The following UBR4 variants were observed in gnomAD, a reference collection of about 807,000 sequenced individuals.
The protein encoded by UBR4 is E3 ubiquitin-protein ligase UBR4.
A neutral mutation model predicts 575.6 loss-of-function variants in UBR4; 124 were observed. The ratio of observed to expected loss-of-function variants is 0.22; its 90% CI spans 0.19 to 0.25. The LOEUF is 0.25. Ranked by LOEUF, UBR4 falls within the 10% of genes least tolerant of loss-of-function variation. The pLI, the probability that UBR4 is intolerant of heterozygous loss-of-function variation, is 1.00. For synonymous variants in UBR4, 2,455 were observed against 2,473.7 expected (o/e 0.99, Z 0.22); for missense variants, 4,818 against 6,478.8 (o/e 0.74, Z 8.80).
rs182360388 is a variant in UBR4, at chr1:19,123,131, C to A, written c.9589-71G>T. 597 of 1,514,228 alleles carry A rather than the reference C, an allele frequency of 3.9e-4. 4 individuals carry two copies. In the African/African-American group the frequency reaches 7.6e-3, roughly 19 times the overall value. 93.8% of individuals were successfully genotyped at this position (1,514,228 alleles called of 1,614,324 possible). ...ATCTATATCAACTGTGGCTCTCACA[C>A]CCTGGGTTTTAATAAACTGTTATTA... On this transcript the variant is annotated intron_variant, in intron 65 of 105. Transcript: ENST00000375254.
In UBR4 at chr1:19,077,737, AAAACCAAACC is replaced by A. The variant is rs553369721; in HGVS notation, c.15324+229_15324+238del. 4.5e-5 allele frequency: 65 copies of A among 1,436,316 alleles called. 1 individual carries two copies. The Middle Eastern group carries it at 1.3e-3, about 28-fold the overall frequency. The allele number at this position is 1,436,316 out of a possible 1,614,324, so 89.0% of individuals were successfully genotyped here. ...AACAAGAACAAAACTCCGTCTCAAA[AAAACCAAACC>A]AAACCAAACCAAACAAAACCAAACA... On this transcript the variant is annotated intron_variant, in intron 104 of 105. Transcript: ENST00000375254.
rs1220091030 is a variant in UBR4 at position 19,170,811 on chromosome 1, A to G, written c.3594T>C (p.Phe1198=). The G allele has an allele frequency of 6.2e-7, 1 of 1,614,220 alleles. No homozygotes were observed. The highest frequency in any genetic ancestry group is 1.7e-5 in the Admixed American group (1 of 60,032). ...EKPSKEKLQG[F]AAVLAIGSSR... Reference sequence around the variant, plus strand: ...TAGAGCCAATAGCCAAAACAGCAGCAAAGCCTTGCAGTTTCTCCTTGGAAG... The same window carrying G: ...TAGAGCCAATAGCCAAAACAGCAGCGAAGCCTTGCAGTTTCTCCTTGGAAG... The change falls in exon 26 of 106, where the codon TTT becomes TTC. Residue 1198 remains phenylalanine (F), a synonymous_variant. Coordinates refer to ENST00000375254, the MANE Select transcript of UBR4 (RefSeq NM_020765.3).
intron 39 of UBR4, 72 bp from the exon 40 acceptor site, chr1:19,158,069 C>T: frequency 6.7e-7 from 1 of 1,503,484 alleles, no homozygotes; most frequent in South Asian, 1.2e-5. Flanking sequence ...ACGCACTATT[C>T]ATGTGCCTGA....
chr1:19,081,348 C>G lies in UBR4; in HGVS notation c.15233+1G>C. On this transcript the variant is annotated splice_donor_variant, in intron 103 of 105. Coordinates refer to ENST00000375254, the MANE Select transcript of UBR4 (RefSeq NM_020765.3). LOFTEE classifies it high-confidence loss of function. ...AGCAGCTTCCGGAAGCAGGTACTGA[C>G]CTGGTGGCTCCACCTGGAGCCACTG... is the stretch of plus-strand genomic sequence containing the variant. The G allele has an allele frequency of 6.3e-7, 1 of 1,592,156 alleles. No homozygotes were observed. Among genetic ancestry groups the G allele is most frequent in the Non-Finnish European group, 8.5e-7 (1 of 1,170,202 alleles).
chr1:19,202,141 C>T (rs571076417), intron 1 of UBR4, among the ~76,000 whole-genome samples: 3 of 151,976 alleles, frequency 2.0e-5, no homozygotes, highest in South Asian at 2.1e-4. Context: ...TGCAGTGAGC[C>T]GATATTGAAC....
At chr1:19,192,059 T>C in intron 11 of UBR4, 129 bp downstream of exon 11, 2 of 874,156 alleles carry the variant, frequency 2.3e-6, no homozygotes, top group East Asian at 2.6e-5. Context: ...ATCATTATCT[T>C]AGTTGCTAAA....
chr1:19,121,513 CA>C (rs762893253), intron 67 of UBR4, 79 bp from the exon 68 acceptor site: 9 of 1,526,292 alleles, frequency 5.9e-6, no homozygotes, highest in Non-Finnish European at 4.4e-6. Context: ...CGTCTCCCTA[CA>C]GCTGAGACTG....
At chr1:19,131,589 A>C (rs1007254517) in intron 60 of UBR4, among the ~76,000 whole-genome samples, 1 of 152,180 alleles carries the variant, frequency 6.6e-6, no homozygotes, top group African/African-American at 2.4e-5. Flanking sequence ...AAAATCTAAA[A>C]TACACTGGGC....
At chr1:19,203,905 AAC>A (rs1177642411) in intron 1 of UBR4, among the ~76,000 whole-genome samples, 3 of 152,166 alleles carry the variant, frequency 2.0e-5, no homozygotes, top group East Asian at 1.9e-4. Flanking sequence ...CTGGTGACTA[AAC>A]ACAGTTTTAA....
At chr1:19,090,082 AAC>A (rs1445758877) in intron 97 of UBR4, among the ~76,000 whole-genome samples, 4 of 152,202 alleles carry the variant, frequency 2.6e-5, no homozygotes, top group African/African-American at 7.2e-5. Flanking sequence ...CTTACTCGCA[AAC>A]CTCTGATCTT....
intron 86 of UBR4, 112 bp downstream of exon 86, chr1:19,104,473 G>A (rs906627898): frequency 3.9e-6 from 5 of 1,272,412 alleles, no homozygotes. Context: ...GCTTAAATCT[G>A]CACTAAGGTC....
intron 93 of UBR4, 25 bp downstream of exon 93, chr1:19,095,520 T>C: frequency 6.2e-7 from 1 of 1,609,626 alleles, no homozygotes; most frequent in East Asian, 2.2e-5. Context: ...CCCACTCTTC[T>C]TCACCTGCAG....
At chr1:19,077,867 AG>A in intron 104 of UBR4, 108 bp downstream of exon 104, 1 of 1,588,312 alleles carries the variant, frequency 6.3e-7, no homozygotes, top group South Asian at 1.1e-5. Flanking sequence ...AAGCGCCCCC[AG>A]GCCCAGCGGA....
At chr1:19,104,696 G>C (rs767266852) in intron 85 of UBR4, 30 bp from the exon 86 acceptor site, 1 of 1,607,322 alleles carries the variant, frequency 6.2e-7, no homozygotes, top group African/African-American at 1.3e-5. Context: ...CAGTCAGTGT[G>C]ATATCACTGC....
At chr1:19,132,605 T>TTAAAAAA (rs71577876) in intron 60 of UBR4, among the ~76,000 whole-genome samples, 7 of 24,096 alleles carry the variant, frequency 2.9e-4, no homozygotes, top group African/African-American at 1.4e-3. Context: ...TAAAAAATGG[T>TTAAAAAA]AAAAAAAAAA....
At chr1:19,172,153 T>G (rs890899008) in intron 25 of UBR4, among the ~76,000 whole-genome samples, 18 of 152,232 alleles carry the variant, frequency 1.2e-4, no homozygotes, top group African/African-American at 4.3e-4. Context: ...TAGAAAGAGT[T>G]GAATTTCAAA....
At chr1:19,139,000 C>T in intron 59 of UBR4, 83 bp downstream of exon 59, 2 of 1,460,460 alleles carry the variant, frequency 1.4e-6, no homozygotes, top group African/African-American at 2.8e-5. Context: ...TTTGCAAAAA[C>T]CAACCCCAAG....
intron 71 of UBR4, chr1:19,118,489 C>CAGTTCATT (rs938633886): frequency 4.4e-5 from 8 of 180,628 alleles, no homozygotes; most frequent in African/African-American, 2.0e-4. Context: ...GCGTGGATCA[C>CAGTTCATT]AGTTCATTGC....
chr1:19,119,143 T>C (rs2080902543), intron 70 of UBR4, among the ~76,000 whole-genome samples, 186 bp from the exon 71 acceptor site: 2 of 152,214 alleles, frequency 1.3e-5, no homozygotes, highest in South Asian at 4.1e-4. Flanking sequence ...GAAGTTTCCA[T>C]GAGCTTTAGT....
Sources: allele counts gnomAD v4.1 joint callset (sites outside exome capture counted in the v4.1 genomes callset), GRCh38; gene constraint gnomAD v4.1.1; transcripts MANE v1.5; gene names NCBI Gene and HGNC (gene_info 2026-07-23, HGNC 2026-07-21).